Variants in FGF12 observed in about 807,000 individuals in gnomAD.
FGF12 encodes fibroblast growth factor 12B.
In FGF12, 14 loss-of-function variants were observed where a neutral mutation model predicts 23.6. The observed-to-expected ratio is 0.59, with a 90% CI of 0.39 to 0.93. The LOEUF is 0.93. Ranked by LOEUF, FGF12 falls within the 40% of genes least tolerant of loss-of-function variation. The probability of loss-of-function intolerance (pLI) is 0.00; values close to 1 mark genes in which losing one functional copy is unlikely to be tolerated. For synonymous variants in FGF12, 62 were observed against 77.3 expected (o/e 0.80, Z 1.04); for missense variants, 175 against 217.8 (o/e 0.80, Z 1.24).
chr3:192,217,466 A>G (rs542287846), intron 4 of FGF12, among the ~76,000 whole-genome samples: 3 of 152,306 alleles, frequency 2.0e-5, no homozygotes, highest in African/African-American at 4.8e-5. Context: ...GTTTGACTCT[A>G]TTACTGTGGG....
At chr3:192,291,671 TA>T (rs1205971883) in intron 4 of FGF12, among the ~76,000 whole-genome samples, 6 of 152,084 alleles carry the variant, frequency 3.9e-5, no homozygotes, top group African/African-American at 1.4e-4. Context: ...CTCTGGGAAG[TA>T]CTGGCTTACT....
intron 2 of FGF12, among the ~76,000 whole-genome samples, chr3:192,654,262 G>C (rs185369605): frequency 7.9e-5 from 12 of 152,322 alleles, no homozygotes; most frequent in Non-Finnish European, 1.6e-4. Context: ...GTGCTTCCCA[G>C]GTCCTTCCTA....
At chr3:192,612,697 A>G (rs1714591803) in intron 2 of FGF12, among the ~76,000 whole-genome samples, 1 of 151,952 alleles carries the variant, frequency 6.6e-6, no homozygotes, top group East Asian at 1.9e-4. Flanking sequence ...AGGGCTATAT[A>G]TTTTCATATT....
At chr3:192,189,233 C>A (rs1450467116) in intron 4 of FGF12, among the ~76,000 whole-genome samples, 1 of 152,128 alleles carries the variant, frequency 6.6e-6, no homozygotes, top group Non-Finnish European at 1.5e-5. Context: ...CTTTACTTCC[C>A]ATACTTGGAG....
At chr3:192,467,832 A>C (rs1723055882) in intron 2 of FGF12, among the ~76,000 whole-genome samples, 1 of 152,252 alleles carries the variant, frequency 6.6e-6, no homozygotes, top group Non-Finnish European at 1.5e-5. Flanking sequence ...CTTAACATGT[A>C]GCAAAGCTGT....
chr3:192,704,475 T>C (rs1364600481), intron 2 of FGF12, among the ~76,000 whole-genome samples: 1 of 152,212 alleles, frequency 6.6e-6, no homozygotes, highest in Non-Finnish European at 1.5e-5. Flanking sequence ...ATAGTGGGCT[T>C]AAAATATTCA....
Position 192,425,180 on chromosome 3 carries a change from T to C in FGF12, c.14-64642A>G, listed in dbSNP as rs190400355. On this transcript the variant is annotated intron_variant, in intron 2 of 5. Transcript: ENST00000445105. ...CAAACTGCTTATCACATGGGAGACA[T>C]AAAGAAATAAAACATAATTTCTCTC... is the stretch of plus-strand genomic sequence containing the variant. 3.9e-5 allele frequency among the ~76,000 whole-genome samples: 6 copies of C among 152,220 alleles called. No individual in the cohort carries two copies. The East Asian group carries it at 1.2e-3, about 29-fold the overall frequency.
intron 2 of FGF12, among the ~76,000 whole-genome samples, chr3:192,368,118 A>C (rs974688684): frequency 6.6e-6 from 1 of 152,138 alleles, no homozygotes; most frequent in Non-Finnish European, 1.5e-5. Context: ...CCAAAAAAAA[A>C]CAGAGCAGAA....
intron 4 of FGF12, among the ~76,000 whole-genome samples, chr3:192,213,282 C>A (rs1020530245): frequency 4.0e-5 from 6 of 151,192 alleles, no homozygotes; most frequent in African/African-American, 1.5e-4. Flanking sequence ...TTTTTTTTCC[C>A]TTTTTTTTGG....
intron 4 of FGF12, among the ~76,000 whole-genome samples, chr3:192,199,758 C>T (rs76134235): frequency 0.019 from 2,952 of 152,188 alleles, 105 homozygotes; most frequent in African/African-American, 0.067. Flanking sequence ...CTAACTCCTC[C>T]CTCCTCCTCC....
At chr3:192,380,532 A>T (rs1719770900) in intron 2 of FGF12, among the ~76,000 whole-genome samples, 2 of 152,154 alleles carry the variant, frequency 1.3e-5, no homozygotes, top group African/African-American at 4.8e-5. Flanking sequence ...TCTAACTATA[A>T]ATAAATGCTC....
chr3:192,366,951 T>C (rs925807348), intron 2 of FGF12, among the ~76,000 whole-genome samples: 3 of 152,136 alleles, frequency 2.0e-5, no homozygotes, highest in African/African-American at 4.8e-5. Flanking sequence ...TTCTGTTTAT[T>C]GTATTCAAAG....
At chr3:192,483,292 T>C (rs1723532753) in intron 2 of FGF12, among the ~76,000 whole-genome samples, 1 of 152,166 alleles carries the variant, frequency 6.6e-6, no homozygotes, top group Non-Finnish European at 1.5e-5. Context: ...GCCCCCTCTT[T>C]CCTGGGGATT....
chr3:192,293,330 G>A lies in FGF12; in HGVS notation c.228+42031C>T, dbSNP rs11917670. Among the ~76,000 whole-genome samples, 1,038 of 152,226 alleles carry A rather than the reference G, an allele frequency of 6.8e-3. 8 individuals carry two copies. Among genetic ancestry groups the A allele is most frequent in the African/African-American group, 0.024 (1,004 of 41,536 alleles). ...TATGAAAATTTACCTGTTACAATTC[G>A]TTAACAGAAGAGAAAATGAAGTGTA... is the stretch of plus-strand genomic sequence containing the variant. On this transcript the variant is annotated intron_variant, in intron 4 of 5. Transcript: ENST00000445105.
At chr3:192,288,794 T>C (rs114219292) in intron 4 of FGF12, among the ~76,000 whole-genome samples, 2,199 of 152,230 alleles carry the variant, frequency 0.014, 40 homozygotes, top group East Asian at 0.046. Flanking sequence ...TATAAATCCA[T>C]TTTTCTATTT....
intron 2 of FGF12, among the ~76,000 whole-genome samples, chr3:192,662,581 T>C (rs914140252): frequency 1.3e-5 from 2 of 152,166 alleles, no homozygotes; most frequent in South Asian, 2.1e-4. Context: ...GAGCCCTTGA[T>C]AGACTCTTTT....
intron 5 of FGF12, among the ~76,000 whole-genome samples, chr3:192,158,336 T>C (rs868718416): frequency 0.011 from 617 of 55,656 alleles, 8 homozygotes; most frequent in Admixed American, 0.028. Context: ...TTCTTTCTCT[T>C]TCTTTCTTTC....
At chr3:192,182,450 G>C (rs1237474156) in intron 4 of FGF12, among the ~76,000 whole-genome samples, 2 of 151,976 alleles carry the variant, frequency 1.3e-5, no homozygotes, top group Non-Finnish European at 2.9e-5. Flanking sequence ...TGACTATAAG[G>C]ATATACCATA....
chr3:192,260,576 G>A (rs895927767), intron 4 of FGF12, among the ~76,000 whole-genome samples: 1 of 152,178 alleles, frequency 6.6e-6, no homozygotes, highest in African/African-American at 2.4e-5. Context: ...TGATGTGGGA[G>A]AACATATTCC....
Sources: gnomAD v4.1 joint callset for allele counts (sites outside exome capture counted in the v4.1 genomes callset) on GRCh38, gnomAD v4.1.1 for gene constraint, MANE v1.5 for transcripts, NCBI Gene and HGNC (gene_info 2026-07-23, HGNC 2026-07-21) for gene names.